The following PPIL6 variants were observed in gnomAD, a reference collection of about 807,000 sequenced individuals.
The protein encoded by PPIL6 is probable inactive peptidyl-prolyl cis-trans isomerase-like 6.
In PPIL6, 39 loss-of-function variants were observed where a neutral mutation model predicts 36.8. The observed-to-expected ratio is 1.06, with a 90% CI of 0.82 to 1.38. The LOEUF is 1.38. PPIL6 is among the 40% of genes most tolerant of loss of function. The pLI, the probability that PPIL6 is intolerant of heterozygous loss-of-function variation, is 0.00. For synonymous variants in PPIL6, 123 were observed against 134.1 expected, an observed-to-expected ratio of 0.92 and a Z score of 0.57; for missense variants, 368 against 379.1, an observed-to-expected ratio of 0.97 and a Z score of 0.24.
rs781689592 is a variant in PPIL6, at chr6:109,403,110, T to C, written c.689-2940A>G. 14 of 1,506,612 alleles carry C rather than the reference T, an allele frequency of 9.3e-6. No individual in the cohort carries two copies. The South Asian group carries it at 1.8e-4, about 19-fold the overall frequency. The allele number at this position is 1,506,612 out of a possible 1,614,324, so 93.3% of individuals were successfully genotyped here. A position where few individuals can be genotyped will look rare whatever the true frequency, so the allele number is the denominator to read the frequency against. On this transcript the variant is annotated intron_variant, in intron 6 of 7. Coordinates refer to ENST00000521072, the MANE Select transcript of PPIL6 (RefSeq NM_173672.5). ...TTCTTTTCAAGCTTCCATAAAGCTC[T>C]AAAATTAAAGAGCTATAATTTAAAT...
At chr6:109,440,324 C>A (rs984448511) in intron 1 of PPIL6, 132 bp downstream of exon 1, 1 of 1,171,350 alleles carries the variant, frequency 8.5e-7, no homozygotes. Flanking sequence ...CCGGCCAGGA[C>A]ACGCCAGCCC....
chr6:109,426,814 G>T (rs201965714), intron 5 of PPIL6, 33 bp downstream of exon 5: 33 of 1,403,626 alleles, frequency 2.4e-5, no homozygotes, highest in Non-Finnish European at 2.8e-5. Flanking sequence ...ATTTGATATT[G>T]CAATTAACTC....
chr6:109,402,435 C>T (rs547964715), intron 6 of PPIL6, among the ~76,000 whole-genome samples: 124 of 151,940 alleles, frequency 8.2e-4, no homozygotes, highest in Non-Finnish European at 1.5e-3. Context: ...ACTTAGGAGG[C>T]TTAGGCACAA....
intron 3 of PPIL6, among the ~76,000 whole-genome samples, chr6:109,428,808 G>GT (rs1773965340): frequency 6.6e-6 from 1 of 152,042 alleles, no homozygotes; most frequent in African/African-American, 2.4e-5. Flanking sequence ...ACAGAATAGT[G>GT]TAACTAAAGA....
chr6:109,422,766 C>T (rs1773614390), intron 5 of PPIL6, among the ~76,000 whole-genome samples: 1 of 152,198 alleles, frequency 6.6e-6, no homozygotes, highest in African/African-American at 2.4e-5. Flanking sequence ...CGTGTGAAAG[C>T]TCCTACTGGA....
chr6:109,437,872 G>A (rs1275244499), intron 1 of PPIL6, among the ~76,000 whole-genome samples: 3 of 152,070 alleles, frequency 2.0e-5, no homozygotes, highest in African/African-American at 7.2e-5. Context: ...ACCTGGCCCG[G>A]TTGACTGCTA....
intron 6 of PPIL6, among the ~76,000 whole-genome samples, chr6:109,400,830 ATTGT>A (rs1310513560): frequency 1.3e-5 from 2 of 152,000 alleles, no homozygotes; most frequent in African/African-American, 2.4e-5. Flanking sequence ...AAGGAAATTA[ATTGT>A]TTATTTTTAG....
chr6:109,440,331 G>T, intron 1 of PPIL6, 125 bp downstream of exon 1: 1 of 1,216,216 alleles, frequency 8.2e-7, no homozygotes, highest in Non-Finnish European at 1.2e-6. Context: ...GGACACGCCA[G>T]CCCCTTCCTC....
intron 2 of PPIL6, among the ~76,000 whole-genome samples, chr6:109,435,241 C>G (rs1467079182): frequency 2.6e-5 from 4 of 151,776 alleles, no homozygotes; most frequent in Admixed American, 2.6e-4. Flanking sequence ...CAAACGGCAC[C>G]ATTGATTTTA....
chr6:109,429,140 CA>C (rs201336023), intron 3 of PPIL6, among the ~76,000 whole-genome samples: 1 of 151,882 alleles, frequency 6.6e-6, no homozygotes, highest in Non-Finnish European at 1.5e-5. Flanking sequence ...ACCCTCTGTG[CA>C]AAAAAAATCT....
At chr6:109,405,632 C>T (rs1248251595) in intron 6 of PPIL6, among the ~76,000 whole-genome samples, 1 of 152,150 alleles carries the variant, frequency 6.6e-6, no homozygotes, top group African/African-American at 2.4e-5. Context: ...ATTTCGCCCC[C>T]ACTTACATTC....
chr6:109,433,713 A>G (rs1380613663), intron 2 of PPIL6, among the ~76,000 whole-genome samples: 1 of 152,256 alleles, frequency 6.6e-6, no homozygotes, highest in East Asian at 1.9e-4. Flanking sequence ...AAGAAGCACT[A>G]CTTATGACAC....
chr6:109,403,044 G>T, intron 6 of PPIL6: 1 of 1,530,596 alleles, frequency 6.5e-7, no homozygotes, highest in Non-Finnish European at 8.7e-7. Context: ...GGTATTTCTC[G>T]ATCTTTCCAA....
Position 109,413,637 on chromosome 6 carries a change from TTA to T in PPIL6, c.688+5548_688+5549del, listed in dbSNP as rs1773114365. 6.6e-6 allele frequency among the ~76,000 whole-genome samples: 1 copy of T among 152,192 alleles called. No individual in the cohort carries two copies. ...TATATACCCAAAAGAAAGGAAATCATTATATCAAAGAGATACCTGCACTCCTA... is the reference window on the plus strand; with the variant it reads ...TATATACCCAAAAGAAAGGAAATCATTATCAAAGAGATACCTGCACTCCTA... On this transcript the variant is annotated intron_variant, in intron 6 of 7. Transcript: ENST00000521072. This position sits in a 1 kb window ranked among gnomAD's most constrained non-coding sequence, Gnocchi z 4.6.
intron 7 of PPIL6, among the ~76,000 whole-genome samples, chr6:109,399,094 TTTTATTTATTTA>T (rs58404867): frequency 4.7e-5 from 7 of 148,372 alleles, no homozygotes; most frequent in East Asian, 2.0e-4. Flanking sequence ...CCCAGCTAAT[TTTTATTTATTTA>T]TTTATTTATT....
In PPIL6 at chr6:109,440,397, C is replaced by G. The variant is rs768493795; in HGVS notation, c.135+59G>C. The G allele has an allele frequency of 5.5e-5, 83 of 1,518,224 alleles. 1 individual carries two copies. The South Asian group carries it at 6.7e-4, about 12-fold the overall frequency. The allele number at this position is 1,518,224 out of a possible 1,614,324, so 94.0% of individuals were successfully genotyped here. On this transcript the variant is annotated intron_variant, in intron 1 of 7. Transcript: ENST00000521072. ...GAGGAGGCGCGGCGCCTGCAGTCCA[C>G]GCGGCCGAGAGCGGGTAGCGGGGAG...
At chr6:109,429,382 T>A (rs1333145693) in intron 3 of PPIL6, among the ~76,000 whole-genome samples, 2 of 152,244 alleles carry the variant, frequency 1.3e-5, no homozygotes, top group Non-Finnish European at 2.9e-5. Context: ...AAAATCCAAC[T>A]CCTTCGTTCA....
At chr6:109,427,493 C>T (rs904368121) in intron 3 of PPIL6, among the ~76,000 whole-genome samples, 2 of 152,044 alleles carry the variant, frequency 1.3e-5, no homozygotes, top group African/African-American at 4.8e-5. Flanking sequence ...AAGTGATCCT[C>T]CCACCGCAGC....
chr6:109,419,175 A>T lies in PPIL6; in HGVS notation c.688+12T>A. 2 of 1,496,332 alleles carry T rather than the reference A, an allele frequency of 1.3e-6. No individual in the cohort carries two copies. The highest frequency in any genetic ancestry group is 3.4e-4 in the Middle Eastern group (2 of 5,818). 92.7% of individuals were successfully genotyped at this position (1,496,332 alleles called of 1,614,324 possible). ...AACTAATATATAACTAACAAAATGT[A>T]AAGATACATACCTTCAAATGTTGGA... On this transcript the variant is annotated intron_variant, in intron 6 of 7. Transcript: ENST00000521072.
Sources: gnomAD v4.1 joint callset for allele counts (sites outside exome capture counted in the v4.1 genomes callset) on GRCh38, gnomAD v4.1.1 for gene constraint, Gnocchi (gnomAD v3.1) non-coding constraint, MANE v1.5 for transcripts, NCBI Gene and HGNC (gene_info 2026-07-23, HGNC 2026-07-21) for gene names.